The following HOMER1 variants were observed in gnomAD, a reference collection of about 807,000 sequenced individuals.
HOMER1 encodes the protein homer scaffold protein 1, also known as homer protein homolog 1.
Under a neutral mutation model 48.9 loss-of-function variants are expected in HOMER1, and 3 were observed. That is an observed-to-expected ratio of 0.06 (90% CI 0.03 to 0.16). The LOEUF (loss-of-function observed/expected upper bound fraction) is 0.16, where lower values mean the gene tolerates loss of function less well. Among genes scored for constraint, HOMER1 ranks in the 10% least tolerant of loss-of-function variants. The pLI is 1.00. For synonymous variants in HOMER1, 134 were observed against 146.4 expected, an observed-to-expected ratio of 0.92 and a Z score of 0.61; for missense variants, 247 against 411.4, an observed-to-expected ratio of 0.60 and a Z score of 3.46.
intron 1 of HOMER1, among the ~76,000 whole-genome samples, chr5:79,479,443 T>A (rs983970809): frequency 1.3e-5 from 2 of 152,136 alleles, no homozygotes; most frequent in African/African-American, 4.8e-5. Context: ...AGAGGGACAT[T>A]TAGCTACAGA....
rs1333484459 is a variant in HOMER1, at chr5:79,495,498, A to G, written c.5+17272T>C. On this transcript the variant is annotated intron_variant, in intron 1 of 8. Transcript: ENST00000334082. ...CATACATCTCTATTACAGCACTTAAATCACAGTATTGTAATTTTTTGTTTA... is the reference window on the plus strand; with the variant it reads ...CATACATCTCTATTACAGCACTTAAGTCACAGTATTGTAATTTTTTGTTTA... Among the ~76,000 whole-genome samples the G allele has an allele frequency of 2.6e-5, 4 of 152,190 alleles. No homozygotes were observed. The East Asian group carries it at 7.7e-4, about 29-fold the overall frequency.
chr5:79,434,959 G>A (rs1750533920), intron 5 of HOMER1, among the ~76,000 whole-genome samples: 1 of 152,138 alleles, frequency 6.6e-6, no homozygotes, highest in Non-Finnish European at 1.5e-5. Context: ...AAAAGTATTT[G>A]TGAATTTGCT....
chr5:79,419,363 T>C (rs2112244596), intron 5 of HOMER1, among the ~76,000 whole-genome samples: 2 of 152,336 alleles, frequency 1.3e-5, no homozygotes, highest in East Asian at 3.9e-4. Flanking sequence ...AATGTGCTTC[T>C]ATAGGTTTAC....
At chr5:79,419,877 CCTT>C (rs1750049694) in intron 5 of HOMER1, among the ~76,000 whole-genome samples, 1 of 100,318 alleles carries the variant, frequency 1.0e-5, no homozygotes, top group Non-Finnish European at 1.8e-5. Flanking sequence ...AGTACCTCTT[CCTT>C]AAAATTTTTA....
At chr5:79,469,582 A>G (rs7710089) in intron 1 of HOMER1, among the ~76,000 whole-genome samples, 40,707 of 151,964 alleles carry the variant, frequency 0.27, 5,601 homozygotes, top group South Asian at 0.4. Context: ...TCAATTTCCC[A>G]AGATTATCCA....
rs1015024881 is a variant in HOMER1 at position 79,401,968 on chromosome 5, A to T, written c.615T>A (p.Thr205=). 1 of 1,613,872 alleles carries T rather than the reference A, an allele frequency of 6.2e-7. No homozygotes were observed. The highest frequency in any genetic ancestry group is 1.3e-5 in the African/African-American group (1 of 74,898). The change falls in exon 6 of 9, where the codon ACT becomes ACA. Residue 205 remains threonine, a synonymous_variant. Transcript: ENST00000334082. ...GCTGTTTCCATTGTTTCACATTGGC[A>T]GTGGACTCCAGCAGGGCTGCAGTGA... ...AKLTAALLES[T]ANVKQWKQQL...
intron 1 of HOMER1, among the ~76,000 whole-genome samples, chr5:79,467,109 AT>A (rs1373113866): frequency 6.6e-6 from 1 of 152,030 alleles, no homozygotes; most frequent in African/African-American, 2.4e-5. Context: ...TTAAAAACAA[AT>A]GAATTAGGCT....
intron 1 of HOMER1, among the ~76,000 whole-genome samples, chr5:79,458,999 G>C (rs1392387436): frequency 6.6e-6 from 1 of 152,100 alleles, no homozygotes; most frequent in Non-Finnish European, 1.5e-5. Context: ...GTCAGGCTGG[G>C]AGTGGCTAGT....
chr5:79,482,933 G>A (rs1199637446), intron 1 of HOMER1, among the ~76,000 whole-genome samples: 2 of 152,070 alleles, frequency 1.3e-5, no homozygotes, highest in African/African-American at 4.8e-5. Flanking sequence ...AGCCCAGGAG[G>A]TTGAGGCTGC....
At chr5:79,467,703 G>T (rs188583738) in intron 1 of HOMER1, among the ~76,000 whole-genome samples, 1 of 152,128 alleles carries the variant, frequency 6.6e-6, no homozygotes, top group African/African-American at 2.4e-5. Flanking sequence ...ACAATAAAAC[G>T]TCACAGCACT....
At chr5:79,496,079 A>G (rs1752412739) in intron 1 of HOMER1, among the ~76,000 whole-genome samples, 1 of 152,202 alleles carries the variant, frequency 6.6e-6, no homozygotes, top group African/African-American at 2.4e-5. Flanking sequence ...AAATAGAAGG[A>G]ATGGTGCCTG....
At chr5:79,392,385 T>C (rs1749274947) in intron 8 of HOMER1, among the ~76,000 whole-genome samples, 1 of 152,158 alleles carries the variant, frequency 6.6e-6, no homozygotes. Context: ...CAACCTTGTG[T>C]AGGCATCAGC....
At chr5:79,422,046 G>T (rs1750116365) in intron 5 of HOMER1, among the ~76,000 whole-genome samples, 2 of 152,208 alleles carry the variant, frequency 1.3e-5, no homozygotes, top group South Asian at 4.1e-4. Flanking sequence ...GACCAACATG[G>T]TGAAACCCTA....
intron 4 of HOMER1, 146 bp from the exon 5 acceptor site, chr5:79,439,295 A>G (rs1750680540): frequency 2.7e-6 from 2 of 728,222 alleles, no homozygotes; most frequent in East Asian, 5.7e-5. Context: ...TAAAAACATA[A>G]AACATGGAAA....
At chr5:79,450,654 G>T (rs148070612) in intron 3 of HOMER1, among the ~76,000 whole-genome samples, 3 of 152,258 alleles carry the variant, frequency 2.0e-5, no homozygotes, top group Non-Finnish European at 4.4e-5. Flanking sequence ...AAAGAGCTTG[G>T]TATCTGCCTA....
At chr5:79,473,257 G>A (rs1175451839) in intron 1 of HOMER1, among the ~76,000 whole-genome samples, 1 of 152,198 alleles carries the variant, frequency 6.6e-6, no homozygotes, top group African/African-American at 2.4e-5. Flanking sequence ...ATGCAGCCCA[G>A]ACAGCTTTGA....
intron 4 of HOMER1, among the ~76,000 whole-genome samples, chr5:79,442,508 G>A (rs895700734): frequency 1.3e-5 from 2 of 152,190 alleles, no homozygotes; most frequent in African/African-American, 4.8e-5. Context: ...TGTATTGGAA[G>A]GATGGGCTGG....
intron 1 of HOMER1, among the ~76,000 whole-genome samples, chr5:79,478,642 A>T (rs544990649): frequency 6.6e-6 from 1 of 151,780 alleles, no homozygotes; most frequent in Admixed American, 6.6e-5. Context: ...CATTCAAAAT[A>T]ATTCCAATCT....
At chr5:79,420,070 C>T (rs1216285910) in intron 5 of HOMER1, among the ~76,000 whole-genome samples, 1 of 152,134 alleles carries the variant, frequency 6.6e-6, no homozygotes, top group Non-Finnish European at 1.5e-5. Flanking sequence ...CGGTCATGTA[C>T]AACTAAATAG....
Sources: gnomAD v4.1 joint callset for allele counts (sites outside exome capture counted in the v4.1 genomes callset) on GRCh38, gnomAD v4.1.1 for gene constraint, MANE v1.5 for transcripts, NCBI Gene and HGNC (gene_info 2026-07-23, HGNC 2026-07-21) for gene names.